PRKCA: variants seen among roughly 807,000 people sequenced by gnomAD.
The protein encoded by PRKCA is protein kinase C alpha.
PRKCA carries 27 observed loss-of-function variants against 87.0 expected under a neutral mutation model. The observed-to-expected ratio is 0.31, with a 90% CI of 0.23 to 0.43. The LOEUF (loss-of-function observed/expected upper bound fraction) is 0.43, where lower values mean the gene tolerates loss of function less well. Ranked by LOEUF, PRKCA falls within the 20% of genes least tolerant of loss-of-function variation. The pLI, the probability that PRKCA is intolerant of heterozygous loss-of-function variation, is 1.00. For synonymous variants in PRKCA, 329 were observed against 311.1 expected (o/e 1.06, Z -0.61); for missense variants, 518 against 852.3 (o/e 0.61, Z 4.88).
intron 2 of PRKCA, among the ~76,000 whole-genome samples, chr17:66,421,495 G>A (rs1175700782): frequency 8.0e-6 from 1 of 125,438 alleles, no homozygotes; most frequent in Non-Finnish European, 1.6e-5. Context: ...AGATAGCTCT[G>A]AAATTTTCTT....
At chr17:66,483,818 C>T (rs1211884107) in intron 2 of PRKCA, among the ~76,000 whole-genome samples, 1 of 152,046 alleles carries the variant, frequency 6.6e-6, no homozygotes, top group East Asian at 1.9e-4. Context: ...TTACCTTATG[C>T]CAGTGTGACC....
chr17:66,349,941 C>T (rs1038840010), intron 2 of PRKCA, among the ~76,000 whole-genome samples: 1 of 151,458 alleles, frequency 6.6e-6, no homozygotes, highest in African/African-American at 2.4e-5. Context: ...ATGGCGTTAT[C>T]AGGTTATTTA....
At chr17:66,690,964 C>T (rs562150695) in intron 8 of PRKCA, among the ~76,000 whole-genome samples, 6 of 151,820 alleles carry the variant, frequency 4.0e-5, no homozygotes, top group South Asian at 4.2e-4. Context: ...GGCAACATGG[C>T]GAAACCCAGC....
chr17:66,363,464 G>A (rs893291691), intron 2 of PRKCA, among the ~76,000 whole-genome samples: 4 of 152,222 alleles, frequency 2.6e-5, no homozygotes, highest in Non-Finnish European at 4.4e-5. Context: ...CCATCCGAAT[G>A]TAAAGGCAGC....
intron 14 of PRKCA, chr17:66,775,866 A>G (rs1975034803): frequency 6.1e-6 from 4 of 659,706 alleles, no homozygotes; most frequent in Non-Finnish European, 7.5e-6. Context: ...GAGACAGCAG[A>G]CAGGTTAGAT....
At position 66,527,908 on chromosome 17, in the gene PRKCA, A is replaced by G. The variant is rs150370365; in HGVS notation, c.288+31625A>G. 5.7e-3 allele frequency among the ~76,000 whole-genome samples: 861 copies of G among 152,328 alleles called. 6 individuals are homozygous for G. Among genetic ancestry groups the G allele is most frequent in the African/African-American group, 0.02 (811 of 41,576 alleles). On this transcript the variant is annotated intron_variant, in intron 3 of 16. Coordinates refer to ENST00000413366, the MANE Select transcript of PRKCA (RefSeq NM_002737.3). ...TTTAATACAGTATTCCATTAAAAAC[A>G]TGATACAGGTTGGGCGCGGTAGCTC...
intron 5 of PRKCA, among the ~76,000 whole-genome samples, chr17:66,670,215 G>A (rs1012686599): frequency 6.6e-6 from 1 of 152,188 alleles, no homozygotes; most frequent in African/African-American, 2.4e-5. Context: ...AGGACGGCAA[G>A]ATGAAGTAAA....
chr17:66,699,722 G>T (rs1217782027), intron 8 of PRKCA, among the ~76,000 whole-genome samples: 1 of 152,176 alleles, frequency 6.6e-6, no homozygotes, highest in Non-Finnish European at 1.5e-5. Flanking sequence ...GAATAGGTGG[G>T]ACTACAGGCA....
intron 3 of PRKCA, among the ~76,000 whole-genome samples, chr17:66,554,304 T>A (rs551275603): frequency 6.6e-6 from 1 of 152,170 alleles, no homozygotes; most frequent in East Asian, 1.9e-4. Context: ...TTGTTCAAAT[T>A]TGGATCAGGT....
intron 2 of PRKCA, among the ~76,000 whole-genome samples, chr17:66,310,388 C>T (rs1237157400): frequency 6.6e-6 from 1 of 152,070 alleles, no homozygotes; most frequent in East Asian, 1.9e-4. Context: ...TTTGAGGGGT[C>T]TGCTGGGAAA....
At chr17:66,506,283 G>A (rs909558901) in intron 3 of PRKCA, among the ~76,000 whole-genome samples, 1 of 149,840 alleles carries the variant, frequency 6.7e-6, no homozygotes, top group Non-Finnish European at 1.5e-5. Flanking sequence ...GCGACACGGT[G>A]AGACCCCGTC....
chr17:66,331,322 T>C (rs781574519), intron 2 of PRKCA, among the ~76,000 whole-genome samples: 3 of 152,208 alleles, frequency 2.0e-5, no homozygotes, highest in Non-Finnish European at 2.9e-5. Context: ...GTACCTCTCA[T>C]CTCTTTATCT....
chr17:66,746,650 G>C (rs4467123), intron 13 of PRKCA, among the ~76,000 whole-genome samples: 149,106 of 152,300 alleles, frequency 0.98, 72,994 homozygotes, highest in East Asian at 1. Flanking sequence ...GTCTCCTTAG[G>C]CAGCGAAGCC....
Position 66,804,106 on chromosome 17 carries a change from C to A in PRKCA, c.*69C>A. ...CCCGCAGTGGGAAGTGAATCCTTAA[C>A]CCTAAAATTTTAAGGCCACGGCCTT... is the stretch of plus-strand genomic sequence containing the variant. On this transcript the variant is annotated 3_prime_UTR_variant, in exon 17 of 17. Coordinates refer to ENST00000413366, the MANE Select transcript of PRKCA (RefSeq NM_002737.3). 1.3e-6 allele frequency: 2 copies of A among 1,539,608 alleles called. No homozygotes were observed. Among genetic ancestry groups the A allele is most frequent in the Non-Finnish European group, 1.8e-6 (2 of 1,142,442 alleles).
chr17:66,528,240 A>AG (rs1555615060), intron 3 of PRKCA, among the ~76,000 whole-genome samples: 1 of 151,794 alleles, frequency 6.6e-6, no homozygotes, highest in Admixed American at 6.6e-5. Context: ...AAAAAAAAAA[A>AG]AAAAGATGCA....
At chr17:66,484,626 A>C (rs1422296193) in intron 2 of PRKCA, among the ~76,000 whole-genome samples, 1 of 152,210 alleles carries the variant, frequency 6.6e-6, no homozygotes, top group Non-Finnish European at 1.5e-5. Context: ...GTAAAATCCA[A>C]TCTAACTAAT....
chr17:66,642,745 A>C (rs1971336329), intron 4 of PRKCA, among the ~76,000 whole-genome samples: 1 of 151,422 alleles, frequency 6.6e-6, no homozygotes. Context: ...AACCAAATGC[A>C]ATGTTTGTTT....
chr17:66,698,399 A>G (rs1400645724), intron 8 of PRKCA, among the ~76,000 whole-genome samples: 2 of 152,230 alleles, frequency 1.3e-5, no homozygotes, highest in African/African-American at 2.4e-5. Flanking sequence ...ATTATAAATC[A>G]TTTTTAAAAA....
chr17:66,358,494 C>T (rs550516067), intron 2 of PRKCA, among the ~76,000 whole-genome samples: 2 of 150,252 alleles, frequency 1.3e-5, no homozygotes, highest in Non-Finnish European at 2.9e-5. Context: ...AGATGGTAAT[C>T]TATTACACTC....
Sources: gnomAD v4.1 joint callset for allele counts (sites outside exome capture counted in the v4.1 genomes callset) on GRCh38, gnomAD v4.1.1 for gene constraint, MANE v1.5 for transcripts, NCBI Gene and HGNC (gene_info 2026-07-23, HGNC 2026-07-21) for gene names.